The following WDFY1 variants were observed in gnomAD, a reference collection of about 807,000 sequenced individuals.
The protein encoded by WDFY1 is WD repeat and FYVE domain-containing protein 1.
Under a neutral mutation model 56.4 loss-of-function variants are expected in WDFY1, and 32 were observed. That is an observed-to-expected ratio of 0.57 (90% CI 0.43 to 0.76). WDFY1 has a LOEUF of 0.76. Among genes scored for constraint, WDFY1 ranks in the 30% least tolerant of loss-of-function variants. The pLI is 0.00. For missense variants in WDFY1, 480 were observed against 545.7 expected (o/e 0.88, Z 1.20); for synonymous variants, 192 against 197.3 (o/e 0.97, Z 0.23).
At chr2:223,916,708 G>C (rs1457281020) in intron 2 of WDFY1, among the ~76,000 whole-genome samples, 1 of 152,088 alleles carries the variant, frequency 6.6e-6, no homozygotes, top group Non-Finnish European at 1.5e-5. Context: ...TTTCTTTTCA[G>C]GAAAGGTTGA....
chr2:223,907,947 C>T (rs1437613161), intron 3 of WDFY1, among the ~76,000 whole-genome samples: 1 of 152,016 alleles, frequency 6.6e-6, no homozygotes, highest in Non-Finnish European at 1.5e-5. Flanking sequence ...GTAACCTCCA[C>T]TTCCCAGGCT....
chr2:223,934,361 G>C (rs1311425237), intron 1 of WDFY1, among the ~76,000 whole-genome samples: 1 of 152,020 alleles, frequency 6.6e-6, no homozygotes, highest in Admixed American at 6.6e-5. Context: ...AAAGTGCTGG[G>C]ATTACAGGCG....
chr2:223,910,047 A>G (rs1693667782), intron 3 of WDFY1, among the ~76,000 whole-genome samples: 1 of 152,172 alleles, frequency 6.6e-6, no homozygotes, highest in African/African-American at 2.4e-5. Context: ...CCCTCCCTAT[A>G]TAGCCCTGCA....
chr2:223,920,091 G>C (rs149741417), intron 1 of WDFY1, among the ~76,000 whole-genome samples: 5 of 152,238 alleles, frequency 3.3e-5, no homozygotes, highest in Admixed American at 6.5e-5. Context: ...AAAGCTGTGC[G>C]GCTGGTGGCT....
intron 1 of WDFY1, among the ~76,000 whole-genome samples, chr2:223,922,665 T>C (rs1420953260): frequency 6.6e-6 from 1 of 152,306 alleles, no homozygotes; most frequent in East Asian, 1.9e-4. Flanking sequence ...TCTTAGGTCA[T>C]GAATGTGTAG....
At chr2:223,926,920 G>A (rs1007012122) in intron 1 of WDFY1, among the ~76,000 whole-genome samples, 12 of 151,994 alleles carry the variant, frequency 7.9e-5, no homozygotes, top group African/African-American at 2.4e-4. Flanking sequence ...TGTCTGCTTC[G>A]GCCTCCCAAA....
At chr2:223,883,754 T>C (rs1434875172) in intron 9 of WDFY1, among the ~76,000 whole-genome samples, 4 of 152,216 alleles carry the variant, frequency 2.6e-5, no homozygotes, top group South Asian at 2.1e-4. Flanking sequence ...CAAGTGATTC[T>C]CCTGCCTCAG....
At position 223,880,745 on chromosome 2, in the gene WDFY1, T is replaced by C. The variant is rs536477187; in HGVS notation, c.1065-513A>G. Among the ~76,000 whole-genome samples, 5 of 145,524 alleles carry C rather than the reference T, an allele frequency of 3.4e-5. No individual in the cohort carries two copies. In the South Asian group the frequency reaches 8.9e-4, roughly 26 times the overall value. Reference sequence around the variant, plus strand: ...CATGTTAAATCACAAGATTGTTTTATAAAATTCCCAAAATAACTGATTTTT... The same window carrying C: ...CATGTTAAATCACAAGATTGTTTTACAAAATTCCCAAAATAACTGATTTTT... On this transcript the variant is annotated intron_variant, in intron 10 of 11. Coordinates refer to ENST00000233055, the MANE Select transcript of WDFY1 (RefSeq NM_020830.5).
intron 1 of WDFY1, among the ~76,000 whole-genome samples, chr2:223,936,814 A>G (rs1481209360): frequency 3.9e-5 from 6 of 152,206 alleles, no homozygotes; most frequent in Non-Finnish European, 8.8e-5. Context: ...CACCTACATG[A>G]CCAGCCTCTA....
At chr2:223,920,508 G>C (rs1693870026) in intron 1 of WDFY1, among the ~76,000 whole-genome samples, 1 of 152,260 alleles carries the variant, frequency 6.6e-6, no homozygotes, top group Non-Finnish European at 1.5e-5. Context: ...ATCCAAGAAA[G>C]AGACATGGGT....
chr2:223,930,193 C>T (rs974019565), intron 1 of WDFY1, among the ~76,000 whole-genome samples: 3 of 152,134 alleles, frequency 2.0e-5, no homozygotes, highest in African/African-American at 4.8e-5. Flanking sequence ...CTACAGCGTG[C>T]GATATTGTAT....
chr2:223,884,919 G>A (rs1227244033), intron 8 of WDFY1, among the ~76,000 whole-genome samples, 170 bp from the exon 9 acceptor site: 1 of 144,384 alleles, frequency 6.9e-6, no homozygotes, highest in Non-Finnish European at 1.5e-5. Context: ...TTGGCTCACT[G>A]CAACCTCTGC....
chr2:223,910,910 G>A (rs763618714), intron 3 of WDFY1, among the ~76,000 whole-genome samples: 1 of 151,970 alleles, frequency 6.6e-6, no homozygotes, highest in Non-Finnish European at 1.5e-5. Flanking sequence ...CCACTCCTAG[G>A]TATACATACC....
intron 6 of WDFY1, among the ~76,000 whole-genome samples, chr2:223,897,668 A>T (rs661698): frequency 0.93 from 141,553 of 152,060 alleles, 65,955 homozygotes; most frequent in South Asian, 0.96. Context: ...GTGTAAGCCA[A>T]CGGGCCCAGC....
At chr2:223,889,475 T>C (rs1412821958) in intron 8 of WDFY1, among the ~76,000 whole-genome samples, 1 of 152,136 alleles carries the variant, frequency 6.6e-6, no homozygotes, top group African/African-American at 2.4e-5. Context: ...AATTGAATCA[T>C]GGGGGTGGGT....
chr2:223,919,065 G>A (rs1447042798), intron 1 of WDFY1, among the ~76,000 whole-genome samples: 1 of 152,178 alleles, frequency 6.6e-6, no homozygotes, highest in African/African-American at 2.4e-5. Context: ...CACTCTCAGG[G>A]CCTCTGGGCG....
intron 3 of WDFY1, among the ~76,000 whole-genome samples, chr2:223,909,791 T>C (rs683134): frequency 0.88 from 133,332 of 152,132 alleles, 58,971 homozygotes; most frequent in Non-Finnish European, 0.95. Flanking sequence ...TCATGGCCAC[T>C]GTCCCTTCAC....
chr2:223,927,062 CAT>C (rs1311680639), intron 1 of WDFY1, among the ~76,000 whole-genome samples: 3 of 152,198 alleles, frequency 2.0e-5, no homozygotes, highest in East Asian at 3.9e-4. Flanking sequence ...TGTCAACACA[CAT>C]GTTGTCATCC....
chr2:223,927,415 G>A (rs758738034), intron 1 of WDFY1, among the ~76,000 whole-genome samples: 1 of 152,166 alleles, frequency 6.6e-6, no homozygotes, highest in Non-Finnish European at 1.5e-5. Flanking sequence ...GCTTCACTTT[G>A]CACTTTTATG....
Sources: allele counts gnomAD v4.1 joint callset (sites outside exome capture counted in the v4.1 genomes callset), GRCh38; gene constraint gnomAD v4.1.1; transcripts MANE v1.5; gene names NCBI Gene and HGNC (gene_info 2026-07-23, HGNC 2026-07-21).